The following ZBTB7C variants were observed in gnomAD, a reference collection of about 807,000 sequenced individuals.
ZBTB7C encodes the protein zinc finger and BTB domain containing 7C, also known as zinc finger and BTB domain-containing protein 7C.
Under a neutral mutation model 25.7 loss-of-function variants are expected in ZBTB7C, and 8 were observed. That is an observed-to-expected ratio of 0.31 (90% CI 0.18 to 0.56). The LOEUF is 0.56. Ranked by LOEUF, ZBTB7C falls within the 20% of genes least tolerant of loss-of-function variation. The probability of loss-of-function intolerance (pLI) is 0.91; values close to 1 mark genes in which losing one functional copy is unlikely to be tolerated. For missense variants in ZBTB7C, 824 were observed against 855.2 expected (o/e 0.96, Z 0.46); for synonymous variants, 394 against 369.0 (o/e 1.07, Z -0.78).
At position 48,029,063 on chromosome 18, in the gene ZBTB7C, T is replaced by G; in HGVS notation, c.*197A>C. The G allele has an allele frequency of 1.3e-6, 1 of 763,820 alleles. No homozygotes were observed. Among genetic ancestry groups the G allele is most frequent in the Non-Finnish European group, 1.9e-6 (1 of 517,724 alleles). 47.3% of individuals were successfully genotyped at this position (763,820 alleles called of 1,614,324 possible). A position where few individuals can be genotyped will look rare whatever the true frequency, so the allele number is the denominator to read the frequency against. ...GGGCTCCTGGCCTTTTGGGAAAAGA[T>G]GCCCGTCTCAGACCAGCAAAAGGAG... On this transcript the variant is annotated 3_prime_UTR_variant, in exon 5 of 5. Coordinates refer to ENST00000590800, the MANE Select transcript of ZBTB7C (RefSeq NM_001318841.2).
At position 48,338,920 on chromosome 18, in the gene ZBTB7C, G is replaced by C. The variant is rs972522336; in HGVS notation, c.-303-522C>G. Among the ~76,000 whole-genome samples, 9 of 151,934 alleles carry C rather than the reference G, an allele frequency of 5.9e-5. No homozygotes were observed. In the East Asian group the frequency reaches 9.7e-4, roughly 16 times the overall value. On this transcript the variant is annotated intron_variant, in intron 1 of 4. Transcript: ENST00000590800. ...GTGTTCTGTAGTTTGTTGGGGGGGG[G>C]GGGTCCAGGTAGGACACCCCACCTA...
At chr18:48,280,941 C>T (rs192496598) in intron 2 of ZBTB7C, among the ~76,000 whole-genome samples, 2 of 150,568 alleles carry the variant, frequency 1.3e-5, no homozygotes, top group Admixed American at 6.7e-5. Context: ...GCAACCTCTG[C>T]CTCTTGGGTT....
At chr18:48,276,297 T>TTTTA (rs1483378563) in intron 2 of ZBTB7C, among the ~76,000 whole-genome samples, 28 of 151,904 alleles carry the variant, frequency 1.8e-4, no homozygotes, top group Admixed American at 1.4e-3. Flanking sequence ...TCTAAGTCTT[T>TTTTA]TTTATTTATT....
intron 4 of ZBTB7C, among the ~76,000 whole-genome samples, chr18:48,036,485 G>A (rs1168709435): frequency 1.3e-5 from 2 of 152,248 alleles, no homozygotes; most frequent in Non-Finnish European, 2.9e-5. Context: ...GTGGGGCGGG[G>A]AGGGTGTCAC....
chr18:48,041,458 G>A (rs1568169902), intron 3 of ZBTB7C: 3 of 985,454 alleles, frequency 3.0e-6, no homozygotes, highest in Non-Finnish European at 3.6e-6. Flanking sequence ...ACTGCAGGAT[G>A]AAAAGCCTCA....
chr18:48,078,957 C>G (rs936748135), intron 3 of ZBTB7C, among the ~76,000 whole-genome samples: 1 of 151,606 alleles, frequency 6.6e-6, no homozygotes, highest in African/African-American at 2.4e-5. Flanking sequence ...TTCATTCATT[C>G]ATTGATAGAC....
At chr18:48,090,099 G>A (rs925782006) in intron 3 of ZBTB7C, among the ~76,000 whole-genome samples, 4 of 152,226 alleles carry the variant, frequency 2.6e-5, no homozygotes, top group East Asian at 1.9e-4. Context: ...GGGACCCATC[G>A]CGGGAAGTGC....
At position 48,028,990 on chromosome 18, in the gene ZBTB7C, C is replaced by A; in HGVS notation, c.*270G>T. 2.2e-6 allele frequency: 1 copy of A among 459,142 alleles called. No homozygotes were observed. Among genetic ancestry groups the A allele is most frequent in the South Asian group, 2.8e-5 (1 of 35,294 alleles). 28.4% of individuals were successfully genotyped at this position (459,142 alleles called of 1,614,324 possible). A position where few individuals can be genotyped will look rare whatever the true frequency, so the allele number is the denominator to read the frequency against. ...GGCACCCAGTTCTTTGTGGCATGGG[C>A]CGGTGCAAGTTTCTATATGAGAGCC... is the stretch of plus-strand genomic sequence containing the variant. On this transcript the variant is annotated 3_prime_UTR_variant, in exon 5 of 5. Transcript: ENST00000590800.
At chr18:48,341,740 T>C (rs2046606729) in intron 1 of ZBTB7C, among the ~76,000 whole-genome samples, 1 of 152,220 alleles carries the variant, frequency 6.6e-6, no homozygotes, top group African/African-American at 2.4e-5. Context: ...CATCATGCAC[T>C]GCCATGGAAA....
At position 48,268,364 on chromosome 18, in the gene ZBTB7C, T is replaced by G. The variant is rs1233696951; in HGVS notation, c.-79+69810A>C. Among the ~76,000 whole-genome samples the G allele has an allele frequency of 2.6e-5, 4 of 152,196 alleles. No homozygotes were observed. The East Asian group carries it at 5.8e-4, about 22-fold the overall frequency. Reference sequence around the variant, plus strand: ...GGGGAGAGAGACTTCAGCGCAGAACTGAGCTCAACTTTGAATACAGCAGAG... The same window carrying G: ...GGGGAGAGAGACTTCAGCGCAGAACGGAGCTCAACTTTGAATACAGCAGAG... On this transcript the variant is annotated intron_variant, in intron 2 of 4. Coordinates refer to ENST00000590800, the MANE Select transcript of ZBTB7C (RefSeq NM_001318841.2).
intron 3 of ZBTB7C, among the ~76,000 whole-genome samples, chr18:48,136,151 G>C (rs1365420776): frequency 1.3e-5 from 2 of 152,184 alleles, no homozygotes; most frequent in Non-Finnish European, 2.9e-5. Context: ...GGCCAGCCCC[G>C]CGGCCGCTGC....
intron 2 of ZBTB7C, among the ~76,000 whole-genome samples, chr18:48,202,726 G>A (rs2145208533): frequency 6.6e-6 from 1 of 151,948 alleles, no homozygotes; most frequent in African/African-American, 2.4e-5. Context: ...TAGAAGGCCA[G>A]TGATGTTGAC....
chr18:48,360,652 G>A (rs144195001), intron 1 of ZBTB7C, among the ~76,000 whole-genome samples: 152 of 152,206 alleles, frequency 1.0e-3, no homozygotes, highest in African/African-American at 3.5e-3. Flanking sequence ...AAATAGTGAC[G>A]GGCACTGAGG....
intron 2 of ZBTB7C, among the ~76,000 whole-genome samples, chr18:48,319,408 G>T (rs1276399960): frequency 6.6e-6 from 1 of 152,166 alleles, no homozygotes; most frequent in Non-Finnish European, 1.5e-5. Flanking sequence ...ACTCAGCAGA[G>T]TGCCTCACAC....
chr18:48,324,047 C>T (rs1390953121), intron 2 of ZBTB7C, among the ~76,000 whole-genome samples: 1 of 152,154 alleles, frequency 6.6e-6, no homozygotes, highest in East Asian at 1.9e-4. Flanking sequence ...TACAGGAAGG[C>T]ACCATCTATG....
In ZBTB7C at chr18:48,239,497, T is replaced by C. The variant is rs529165661; in HGVS notation, c.-78-53502A>G. Among the ~76,000 whole-genome samples, 16 of 152,322 alleles carry C rather than the reference T, an allele frequency of 1.1e-4. No homozygotes were observed. The East Asian group carries it at 3.1e-3, about 29-fold the overall frequency. ...CCCCTGCTACCTCCACTGGAGTAGG[T>C]GCTTACATCCATGACTGACAGACCT... On this transcript the variant is annotated intron_variant, in intron 2 of 4. Coordinates refer to ENST00000590800, the MANE Select transcript of ZBTB7C (RefSeq NM_001318841.2).
intron 3 of ZBTB7C, among the ~76,000 whole-genome samples, chr18:48,132,781 G>A (rs565122121): frequency 1.3e-5 from 2 of 152,220 alleles, no homozygotes; most frequent in African/African-American, 2.4e-5. Context: ...AAAGACCAAC[G>A]GACCAACCTG....
At chr18:48,177,530 T>C (rs76007190) in intron 3 of ZBTB7C, among the ~76,000 whole-genome samples, 10,535 of 152,248 alleles carry the variant, frequency 0.069, 625 homozygotes, top group Admixed American at 0.19. Flanking sequence ...CAAAAGGAAC[T>C]ATAATTCCTG....
chr18:48,057,541 C>G (rs989856702), intron 3 of ZBTB7C, among the ~76,000 whole-genome samples: 2 of 152,172 alleles, frequency 1.3e-5, no homozygotes, highest in African/African-American at 4.8e-5. Context: ...ACTGTTAGAG[C>G]CTTCCTACTG....
Sources: allele counts gnomAD v4.1 joint callset (sites outside exome capture counted in the v4.1 genomes callset), GRCh38; gene constraint gnomAD v4.1.1; transcripts MANE v1.5; gene names NCBI Gene and HGNC (gene_info 2026-07-23, HGNC 2026-07-21).